FRMD4B: variants seen among roughly 807,000 people sequenced by gnomAD.
The protein encoded by FRMD4B is FERM domain-containing protein 4B.
Under a neutral mutation model 141.5 loss-of-function variants are expected in FRMD4B, and 74 were observed. That is an observed-to-expected ratio of 0.52 (90% CI 0.43 to 0.63). The LOEUF (loss-of-function observed/expected upper bound fraction) is 0.63. FRMD4B is among the 30% of genes least tolerant of loss of function. The pLI, the probability that FRMD4B is intolerant of heterozygous loss-of-function variation, is 0.00. For synonymous variants in FRMD4B, 506 were observed against 467.9 expected (o/e 1.08, Z -1.05); for missense variants, 1,366 against 1,253.4 (o/e 1.09, Z -1.36).
intron 3 of FRMD4B, among the ~76,000 whole-genome samples, chr3:69,308,916 C>A (rs915362316): frequency 3.3e-5 from 5 of 152,154 alleles, no homozygotes; most frequent in Non-Finnish European, 7.3e-5. Context: ...AAACTGAACC[C>A]AAGTTTTCTT....
At chr3:69,216,429 CTTTTTTTT>C in intron 10 of FRMD4B, 80 bp from the exon 11 acceptor site, 12 of 381,790 alleles carry the variant, frequency 3.1e-5, no homozygotes, top group East Asian at 5.4e-5. Flanking sequence ...AATTTCACCT[CTTTTTTTT>C]TTTTTTTTTT....
chr3:69,461,567 T>C (rs1167049874), intron 1 of FRMD4B, among the ~76,000 whole-genome samples: 3 of 130,146 alleles, frequency 2.3e-5, no homozygotes, highest in Non-Finnish European at 3.1e-5. Context: ...GAGGCCATAG[T>C]GAGCTGTGAT....
At chr3:69,390,489 C>T (rs1056099033), upstream of FRMD4B, among the ~76,000 whole-genome samples, 1 of 152,112 alleles carries the variant, frequency 6.6e-6, no homozygotes, top group Non-Finnish European at 1.5e-5. Context: ...CAGGTAGAGG[C>T]CAGGGATGCC....
At chr3:69,284,885 G>A (rs1215355487) in intron 5 of FRMD4B, among the ~76,000 whole-genome samples, 1 of 152,228 alleles carries the variant, frequency 6.6e-6, no homozygotes, top group African/African-American at 2.4e-5. Context: ...CTAAGGCCGA[G>A]CATGGTGGCT....
intron 2 of FRMD4B, among the ~76,000 whole-genome samples, chr3:69,419,155 G>A (rs990305943): frequency 2.0e-5 from 3 of 152,264 alleles, no homozygotes; most frequent in Admixed American, 6.5e-5. Flanking sequence ...AAACTTAGAA[G>A]TGAAAAGGGG....
chr3:69,311,147 A>G (rs1701573632), intron 3 of FRMD4B, 116 bp downstream of exon 3: 1 of 529,978 alleles, frequency 1.9e-6, no homozygotes, highest in Non-Finnish European at 3.4e-6. Flanking sequence ...ACCTTTAGCT[A>G]AGCAGGACAT....
At chr3:69,192,763 T>C (rs1317405746) in intron 17 of FRMD4B, among the ~76,000 whole-genome samples, 3 of 152,220 alleles carry the variant, frequency 2.0e-5, no homozygotes, top group Admixed American at 6.5e-5. Flanking sequence ...ATCTGGCTTT[T>C]CTGCATTTCA....
chr3:69,442,261 T>G (rs1705353526), intron 1 of FRMD4B, among the ~76,000 whole-genome samples: 1 of 152,296 alleles, frequency 6.6e-6, no homozygotes, highest in South Asian at 2.1e-4. Context: ...TTTAAATTTT[T>G]TTTAGAGATG....
At chr3:69,455,654 A>G (rs559803157) in intron 1 of FRMD4B, among the ~76,000 whole-genome samples, 1 of 151,844 alleles carries the variant, frequency 6.6e-6, no homozygotes, top group African/African-American at 2.4e-5. Context: ...TCATTCTTGA[A>G]GTCAGTGAGA....
chr3:69,190,787 A>C (rs72930216), intron 17 of FRMD4B, among the ~76,000 whole-genome samples: 9,934 of 152,182 alleles, frequency 0.065, 773 homozygotes, highest in East Asian at 0.32. Context: ...TCCTGGGGAG[A>C]TGTCCTGTGC....
intron 1 of FRMD4B, among the ~76,000 whole-genome samples, chr3:69,528,734 T>C (rs548260770): frequency 2.6e-5 from 4 of 151,678 alleles, no homozygotes; most frequent in African/African-American, 7.3e-5. Context: ...AAGGTATTTA[T>C]CTGAGAGGTC....
At chr3:69,322,584 T>TTC (rs199672532) in intron 1 of FRMD4B, among the ~76,000 whole-genome samples, 4 of 144,406 alleles carry the variant, frequency 2.8e-5, no homozygotes, top group East Asian at 3.9e-4. Context: ...GTTTAGATTT[T>TTC]TCTCTCTCTC....
At chr3:69,420,180 G>C (rs1184558965) in intron 2 of FRMD4B, among the ~76,000 whole-genome samples, 2 of 151,714 alleles carry the variant, frequency 1.3e-5, no homozygotes, top group Admixed American at 6.6e-5. Flanking sequence ...TGATCTGCTG[G>C]GGTTGATAAG....
chr3:69,406,179 A>G (rs1054469694), intron 2 of FRMD4B, among the ~76,000 whole-genome samples: 5 of 152,210 alleles, frequency 3.3e-5, no homozygotes, highest in African/African-American at 9.7e-5. Flanking sequence ...GCCAACAGCT[A>G]AAACCTTTTG....
At chr3:69,296,842 CAAGT>C (rs1216912821) in intron 4 of FRMD4B, among the ~76,000 whole-genome samples, 2 of 152,048 alleles carry the variant, frequency 1.3e-5, no homozygotes, top group Admixed American at 6.6e-5. Context: ...AAAATTTGCT[CAAGT>C]AATATGTTCA....
At chr3:69,346,803 G>A (rs1575752489) in intron 1 of FRMD4B, among the ~76,000 whole-genome samples, 3 of 152,200 alleles carry the variant, frequency 2.0e-5, no homozygotes, top group South Asian at 4.2e-4. Flanking sequence ...TCACCACCAG[G>A]CCTGCCCTAA....
intron 1 of FRMD4B, among the ~76,000 whole-genome samples, chr3:69,437,007 T>C (rs950954661): frequency 6.6e-6 from 1 of 152,164 alleles, no homozygotes; most frequent in African/African-American, 2.4e-5. Flanking sequence ...TATTGTTTAA[T>C]GGGCATAGAG....
intron 11 of FRMD4B, among the ~76,000 whole-genome samples, chr3:69,201,641 G>T (rs571110558): frequency 1.6e-4 from 25 of 152,186 alleles, no homozygotes; most frequent in African/African-American, 5.8e-4. Flanking sequence ...GATATAAGCT[G>T]GTTTTTCTTT....
At chr3:69,306,775 A>C (rs1196275034) in intron 3 of FRMD4B, 1 of 152,160 alleles carries the variant, frequency 6.6e-6, no homozygotes, top group Non-Finnish European at 1.5e-5. Context: ...TGTTCCTTTC[A>C]GCTTTACCAA....
Sources: allele counts gnomAD v4.1 joint callset (sites outside exome capture counted in the v4.1 genomes callset), GRCh38; gene constraint gnomAD v4.1.1; transcripts MANE v1.5; gene names NCBI Gene and HGNC (gene_info 2026-07-23, HGNC 2026-07-21).